PLEKHG7: variants seen among roughly 807,000 people sequenced by gnomAD.
PLEKHG7 encodes pleckstrin homology and RhoGEF domain containing G7.
A neutral mutation model predicts 85.2 loss-of-function variants in PLEKHG7; 77 were observed. The ratio of observed to expected loss-of-function variants is 0.90; its 90% CI spans 0.75 to 1.09. The LOEUF (loss-of-function observed/expected upper bound fraction) is 1.09, where lower values mean the gene tolerates loss of function less well. PLEKHG7 is among the 50% of genes least tolerant of loss of function. The pLI, the probability that PLEKHG7 is intolerant of heterozygous loss-of-function variation, is 0.00. For synonymous variants in PLEKHG7, 301 were observed against 302.4 expected (o/e 1.00, Z 0.05); for missense variants, 777 against 804.3 (o/e 0.97, Z 0.41).
Position 92,761,719 on chromosome 12 carries a change from G to A in PLEKHG7, c.1637-33G>A, listed in dbSNP as rs77459617. ...AAAACTCTTCTACTTAACAGTTTCAGGTCCCCATTTCAGCTTCTCTTTTTT... is the reference window on the plus strand; with the variant it reads ...AAAACTCTTCTACTTAACAGTTTCAAGTCCCCATTTCAGCTTCTCTTTTTT... On this transcript the variant is annotated intron_variant, in intron 13 of 16. Coordinates refer to ENST00000344636, the MANE Select transcript of PLEKHG7 (RefSeq NM_001377329.1). The A allele has an allele frequency of 3.5e-3, 5,392 of 1,534,920 alleles. 201 individuals are homozygous for A. The African/African-American group carries it at 0.065, about 18-fold the overall frequency.
At chr12:92,754,048 G>A (rs767377759) in intron 10 of PLEKHG7, 42 bp from the exon 11 acceptor site, 10 of 1,594,344 alleles carry the variant, frequency 6.3e-6, no homozygotes, top group Non-Finnish European at 8.6e-6. Flanking sequence ...GGCTCAGTGG[G>A]AGAGGTGATC....
In PLEKHG7 at chr12:92,772,099, T is replaced by C. The variant is rs1013977930; in HGVS notation, c.*1904T>C. The C allele has an allele frequency of 4.0e-5, 6 of 150,960 alleles. No individual in the cohort carries two copies. The highest frequency in any genetic ancestry group is 9.7e-5 in the African/African-American group (4 of 41,074). 9.4% of individuals were successfully genotyped at this position (150,960 alleles called of 1,614,324 possible). ...AACCGTGGCTCCCAGGAAGAAAAAA[T>C]AGCAAAAAACAATGGCACATTGGGC... is the stretch of plus-strand genomic sequence containing the variant. On this transcript the variant is annotated 3_prime_UTR_variant, in exon 17 of 17. Transcript: ENST00000344636.
chr12:92,711,564 AC>A (rs200900645), intron 3 of PLEKHG7, among the ~76,000 whole-genome samples: 2,755 of 152,262 alleles, frequency 0.018, 79 homozygotes, highest in African/African-American at 0.061. Flanking sequence ...TGACTTGATG[AC>A]CCATAGTCAA....
chr12:92,756,417 C>T (rs1237375036), intron 13 of PLEKHG7, 26 bp downstream of exon 13: 1 of 1,537,432 alleles, frequency 6.5e-7, no homozygotes, highest in Non-Finnish European at 9.0e-7. Flanking sequence ...CTTTAAAAAA[C>T]CCAACATCTG....
Position 92,736,287 on chromosome 12 carries a change from A to G in PLEKHG7, c.700-195A>G, listed in dbSNP as rs566300544. On this transcript the variant is annotated intron_variant, in intron 5 of 16. Transcript: ENST00000344636. Reference sequence around the variant, plus strand: ...GTAGTCTCACGGGCCTGTGTCCCCCAGGTCTGACATTCTGTGGTTCTGCAG... The same window carrying G: ...GTAGTCTCACGGGCCTGTGTCCCCCGGGTCTGACATTCTGTGGTTCTGCAG... 6.6e-5 allele frequency among the ~76,000 whole-genome samples: 10 copies of G among 152,024 alleles called. No homozygotes were observed. The East Asian group carries it at 1.4e-3, about 21-fold the overall frequency.
intron 3 of PLEKHG7, among the ~76,000 whole-genome samples, 187 bp from the exon 4 acceptor site, chr12:92,728,806 T>C (rs1221557330): frequency 6.6e-6 from 1 of 152,182 alleles, no homozygotes; most frequent in Non-Finnish European, 1.5e-5. Context: ...TTTTTAGTTC[T>C]TTGAAATATC....
Position 92,720,475 on chromosome 12 carries a change from G to A in PLEKHG7, c.531-8518G>A, listed in dbSNP as rs148336852. ...TGAGTAGCTGGGACTACAGGCGTGC[G>A]CCACCACATCGGGCTAATTTTTTGT... is the stretch of plus-strand genomic sequence containing the variant. On this transcript the variant is annotated intron_variant, in intron 3 of 16. Transcript: ENST00000344636. 8.8e-3 allele frequency among the ~76,000 whole-genome samples: 1,338 copies of A among 152,062 alleles called. 11 individuals carry two copies. The highest frequency in any genetic ancestry group is 0.013 in the Non-Finnish European group (863 of 67,958).
intron 3 of PLEKHG7, chr12:92,708,024 A>T: frequency 3.3e-6 from 1 of 304,210 alleles, no homozygotes; most frequent in Non-Finnish European, 6.1e-6. Context: ...TCAAAGAAAA[A>T]TTTGGAGGAT....
chr12:92,707,956 T>A (rs749576439), intron 3 of PLEKHG7: 2 of 476,500 alleles, frequency 4.2e-6, no homozygotes, highest in Non-Finnish European at 7.4e-6. Context: ...AACATCCACT[T>A]AGTAATAGGT....
intron 14 of PLEKHG7, among the ~76,000 whole-genome samples, chr12:92,762,469 AT>A (rs922704336): frequency 1.3e-5 from 2 of 152,016 alleles, no homozygotes; most frequent in Non-Finnish European, 2.9e-5. Context: ...GGGAATAGGG[AT>A]TTTTTTCACG....
At chr12:92,736,989 A>G (rs1303286882) in intron 6 of PLEKHG7, among the ~76,000 whole-genome samples, 2 of 152,310 alleles carry the variant, frequency 1.3e-5, no homozygotes, top group Admixed American at 6.5e-5. Flanking sequence ...AGTTTTGCCA[A>G]CGGAACCTGG....
chr12:92,752,708 G>C (rs1872724121), intron 10 of PLEKHG7, among the ~76,000 whole-genome samples: 1 of 152,182 alleles, frequency 6.6e-6, no homozygotes, highest in Non-Finnish European at 1.5e-5. Flanking sequence ...CCTGCAGCAG[G>C]AGAAATATTT....
chr12:92,739,620 A>G (rs565351453), intron 7 of PLEKHG7, among the ~76,000 whole-genome samples: 2 of 152,204 alleles, frequency 1.3e-5, no homozygotes, highest in East Asian at 1.9e-4. Flanking sequence ...TAAAGTATAT[A>G]TGTACCTTCC....
chr12:92,743,748 C>T (rs577838706), intron 9 of PLEKHG7, among the ~76,000 whole-genome samples: 10 of 152,156 alleles, frequency 6.6e-5, no homozygotes, highest in South Asian at 2.1e-4. Flanking sequence ...TTAGTAGAAA[C>T]GGGGTTTCAT....
At chr12:92,703,906 CAA>C (rs1157633975) in intron 1 of PLEKHG7, among the ~76,000 whole-genome samples, 1 of 152,196 alleles carries the variant, frequency 6.6e-6, no homozygotes, top group East Asian at 1.9e-4. Context: ...CCTAACCCCT[CAA>C]AAGAGGAGAG....
chr12:92,723,811 G>A (rs927315229), intron 3 of PLEKHG7, among the ~76,000 whole-genome samples: 1 of 152,018 alleles, frequency 6.6e-6, no homozygotes. Flanking sequence ...AAGGGGTTGG[G>A]GAAGATGAAT....
At chr12:92,728,954 A>G (rs1871902807) in intron 3 of PLEKHG7, 39 bp from the exon 4 acceptor site, 3 of 1,219,166 alleles carry the variant, frequency 2.5e-6, no homozygotes, top group South Asian at 8.3e-5. Flanking sequence ...GTCTAAGATG[A>G]TATTTCGGTG....
Position 92,761,764 on chromosome 12 carries a change from T to G in PLEKHG7, c.1649T>G (p.Phe550Cys), listed in dbSNP as rs1873041555. 6.4e-7 allele frequency: 1 copy of G among 1,573,892 alleles called. No homozygotes were observed. Among genetic ancestry groups the G allele is most frequent in the African/African-American group, 1.4e-5 (1 of 71,978 alleles). The change falls in exon 14 of 17, where the codon TTC becomes TGC. Residue 550 changes from phenylalanine (F) to cysteine (C), a missense_variant. By Grantham distance (205) the Phe-to-Cys change is radical. Around this residue, in one of 3 missense-constraint regions of PLEKHG7, gnomAD observed 520 missense variants for 544.0 expected, o/e 0.96. Transcript: ENST00000344636. ...GKLTLAESTRFLDVYLFLFND... is the reference protein window; with the variant it reads ...GKLTLAESTRCLDVYLFLFND... The stretch of plus-strand genomic sequence containing the variant: ...TTTTTTTCCTCAGAAAGCACGAGAT[T>G]CCTAGATGTTTATCTGTTTCTCTTC...
chr12:92,722,174 C>T (rs1383544885), intron 3 of PLEKHG7, among the ~76,000 whole-genome samples: 9 of 152,062 alleles, frequency 5.9e-5, no homozygotes, highest in Admixed American at 4.6e-4. Flanking sequence ...CTCATTACAG[C>T]TATTTGAGTT....
Sources: gnomAD v4.1 joint callset for allele counts (sites outside exome capture counted in the v4.1 genomes callset) on GRCh38, gnomAD v4.1.1 for gene constraint, gnomAD v4.1.1 regional missense constraint, MANE v1.5 for transcripts, NCBI Gene and HGNC (gene_info 2026-07-23, HGNC 2026-07-21) for gene names.